PRKAG2: variants seen among roughly 807,000 people sequenced by gnomAD.
PRKAG2 encodes protein kinase AMP-activated non-catalytic subunit gamma 2, also known as 5'-AMP-activated protein kinase subunit gamma-2.
In PRKAG2, 26 loss-of-function variants were observed where a neutral mutation model predicts 69.6. The ratio of observed to expected loss-of-function variants is 0.37; its 90% confidence interval spans 0.27 to 0.52. PRKAG2 has a LOEUF of 0.52. Ranked by LOEUF, PRKAG2 falls within the 20% of genes least tolerant of loss-of-function variation. PRKAG2 has a pLI of 0.90. For synonymous variants in PRKAG2, 293 were observed against 285.0 expected, an observed-to-expected ratio of 1.03 and a Z score of -0.28; for missense variants, 557 against 740.0, an observed-to-expected ratio of 0.75 and a Z score of 2.87.
chr7:151,657,817 G>A (rs1829672132), intron 4 of PRKAG2, among the ~76,000 whole-genome samples: 1 of 152,172 alleles, frequency 6.6e-6, no homozygotes, highest in South Asian at 2.1e-4. Flanking sequence ...TGTGTCAAAT[G>A]CTTGTTTTTA....
intron 6 of PRKAG2, among the ~76,000 whole-genome samples, chr7:151,577,346 A>C (rs1809215943): frequency 6.6e-6 from 1 of 152,248 alleles, no homozygotes; most frequent in Non-Finnish European, 1.5e-5. Context: ...TCATACTTGA[A>C]GATTTATTAA....
chr7:151,855,874 A>G (rs1418614129), intron 1 of PRKAG2, among the ~76,000 whole-genome samples: 1 of 152,232 alleles, frequency 6.6e-6, no homozygotes, highest in Non-Finnish European at 1.5e-5. Context: ...CCATGATGCT[A>G]TGTGCACCCT....
intron 6 of PRKAG2, among the ~76,000 whole-genome samples, chr7:151,593,726 A>G (rs543719577): frequency 6.6e-6 from 1 of 152,300 alleles, no homozygotes; most frequent in African/African-American, 2.4e-5. Context: ...ATAAGATTGT[A>G]TTTGGATGCT....
chr7:151,620,161 C>T (rs1448169250), intron 5 of PRKAG2, among the ~76,000 whole-genome samples: 1 of 152,204 alleles, frequency 6.6e-6, no homozygotes, highest in Non-Finnish European at 1.5e-5. Flanking sequence ...ATGAGGTATA[C>T]TTTTAGCTAC....
chr7:151,588,727 ACATGACT>A (rs141130722), intron 6 of PRKAG2, among the ~76,000 whole-genome samples: 21,879 of 152,022 alleles, frequency 0.14, 1,676 homozygotes, highest in East Asian at 0.27. Flanking sequence ...TCCATATAAG[ACATGACT>A]TGCTTCTCCT....
At chr7:151,733,021 T>C (rs1799210880) in intron 3 of PRKAG2, among the ~76,000 whole-genome samples, 2 of 152,264 alleles carry the variant, frequency 1.3e-5, no homozygotes, top group African/African-American at 4.8e-5. Flanking sequence ...ACAGTGATCG[T>C]TCAGCTGGGT....
At chr7:151,615,791 A>G (rs890411200) in intron 5 of PRKAG2, among the ~76,000 whole-genome samples, 1 of 152,230 alleles carries the variant, frequency 6.6e-6, no homozygotes, top group South Asian at 2.1e-4. Context: ...AGACATACAC[A>G]TGGCTAACAA....
In PRKAG2 at chr7:151,583,149, T is replaced by A. The variant is rs141766705; in HGVS notation, c.865-6697A>T. On this transcript the variant is annotated intron_variant, in intron 6 of 15. Transcript: ENST00000287878. This position sits in a 1 kb window ranked among gnomAD's most constrained non-coding sequence, Gnocchi z 4.1. ...GATCCTTATGCCTCAGCCTCCTGAG[T>A]AGCTGGGATCACAGGCATATGCCAC... Among the ~76,000 whole-genome samples the A allele has an allele frequency of 4.0e-3, 613 of 152,266 alleles. 3 individuals are homozygous for A. Among genetic ancestry groups the A allele is most frequent in the African/African-American group, 0.014 (569 of 41,556 alleles).
At chr7:151,755,625 A>G (rs949726862) in intron 3 of PRKAG2, among the ~76,000 whole-genome samples, 1 of 151,888 alleles carries the variant, frequency 6.6e-6, no homozygotes, top group Non-Finnish European at 1.5e-5. Flanking sequence ...TTTTATAAAT[A>G]CTTATTGGAA....
intron 3 of PRKAG2, among the ~76,000 whole-genome samples, chr7:151,678,198 GACAAA>G (rs1196498098): frequency 6.6e-6 from 1 of 152,166 alleles, no homozygotes; most frequent in East Asian, 1.9e-4. Context: ...ACCACTTAAT[GACAAA>G]CTGTTTAACG....
intron 3 of PRKAG2, among the ~76,000 whole-genome samples, chr7:151,753,145 A>T (rs2074830573): frequency 6.6e-6 from 1 of 152,232 alleles, no homozygotes; most frequent in African/African-American, 2.4e-5. Context: ...ATGAGACAGG[A>T]CTGAGGAGCT....
chr7:151,776,078 G>A (rs917988336), intron 3 of PRKAG2, among the ~76,000 whole-genome samples: 4 of 152,202 alleles, frequency 2.6e-5, no homozygotes, highest in Admixed American at 6.5e-5. Flanking sequence ...CTGGAGCTTC[G>A]TGCCTTATCA....
chr7:151,655,204 G>T (rs1001026698), intron 4 of PRKAG2, among the ~76,000 whole-genome samples: 1 of 152,038 alleles, frequency 6.6e-6, no homozygotes, highest in Non-Finnish European at 1.5e-5. Flanking sequence ...GAAATGAAAG[G>T]GTACGCCATC....
At chr7:151,825,458 C>T (rs1249510276) in intron 1 of PRKAG2, among the ~76,000 whole-genome samples, 1 of 151,956 alleles carries the variant, frequency 6.6e-6, no homozygotes, top group African/African-American at 2.4e-5. Flanking sequence ...ATAAATGCTC[C>T]CAACCCTGAC....
chr7:151,643,114 T>C (rs1040939529), intron 4 of PRKAG2, among the ~76,000 whole-genome samples: 3 of 152,238 alleles, frequency 2.0e-5, no homozygotes, highest in Non-Finnish European at 2.9e-5. Context: ...TAAATCCATT[T>C]TTTTGCCAAT....
intron 1 of PRKAG2, among the ~76,000 whole-genome samples, chr7:151,802,037 C>T (rs909793561): frequency 2.0e-5 from 3 of 152,146 alleles, no homozygotes; most frequent in Admixed American, 6.5e-5. Flanking sequence ...CTGGTGGCTG[C>T]TGAGAGGCAG....
intron 5 of PRKAG2, among the ~76,000 whole-genome samples, chr7:151,610,836 C>G (rs1350922725): frequency 6.9e-6 from 1 of 145,036 alleles, no homozygotes; most frequent in South Asian, 2.2e-4. Flanking sequence ...GGTGCAACCT[C>G]CATCTCCTGG....
At chr7:151,815,156 C>A (rs1397612742) in intron 1 of PRKAG2, among the ~76,000 whole-genome samples, 1 of 151,676 alleles carries the variant, frequency 6.6e-6, no homozygotes, top group Admixed American at 6.6e-5. Context: ...CCAAAAGGCT[C>A]TGGCAGTGAA....
chr7:151,849,611 G>A (rs7776488), intron 1 of PRKAG2, among the ~76,000 whole-genome samples: 34,557 of 152,070 alleles, frequency 0.23, 4,379 homozygotes, highest in Middle Eastern at 0.32. Context: ...GGGCAGGGCC[G>A]CGCCCTCTCT....
Sources: allele counts gnomAD v4.1 joint callset (sites outside exome capture counted in the v4.1 genomes callset), GRCh38; gene constraint gnomAD v4.1.1; non-coding constraint Gnocchi (gnomAD v3.1); transcripts MANE v1.5; gene names NCBI Gene and HGNC (gene_info 2026-07-23, HGNC 2026-07-21).